The following NAV2 variants were observed in gnomAD, a reference collection of about 807,000 sequenced individuals.
NAV2 encodes the protein helicase, APC down-regulated 1.
A neutral mutation model predicts 223.2 loss-of-function variants in NAV2; 54 were observed. The observed-to-expected ratio is 0.24, with a 90% confidence interval of 0.19 to 0.30. NAV2 has a LOEUF of 0.30. Ranked by LOEUF, NAV2 falls within the 10% of genes least tolerant of loss-of-function variation. The probability of loss-of-function intolerance (pLI) is 1.00; values close to 1 mark genes in which losing one functional copy is unlikely to be tolerated. For missense variants in NAV2, 2,806 were observed against 3,147.5 expected, an observed-to-expected ratio of 0.89 and a Z score of 2.60; for synonymous variants, 1,279 against 1,239.3, an observed-to-expected ratio of 1.03 and a Z score of -0.67.
chr11:19,687,093 T>C (rs2049044075), intron 1 of NAV2, among the ~76,000 whole-genome samples: 1 of 152,204 alleles, frequency 6.6e-6, no homozygotes. Context: ...CTGACTCTGT[T>C]ATTCTAGGAA....
intron 1 of NAV2, among the ~76,000 whole-genome samples, chr11:19,552,214 T>C (rs1565042736): frequency 6.6e-6 from 1 of 152,160 alleles, no homozygotes; most frequent in Non-Finnish European, 1.5e-5. Flanking sequence ...TTGGCTTTCA[T>C]TTGCCTCTTT....
At chr11:19,859,972 T>G (rs1380672253) in intron 3 of NAV2, among the ~76,000 whole-genome samples, 1 of 92,540 alleles carries the variant, frequency 1.1e-5, no homozygotes, top group South Asian at 4.2e-4. Context: ...ACCTCCCGGA[T>G]GGGGCGGCTG....
intron 5 of NAV2, among the ~76,000 whole-genome samples, chr11:19,884,029 C>T (rs529005057): frequency 2.6e-5 from 4 of 152,324 alleles, no homozygotes. Flanking sequence ...GCAAGAAAGA[C>T]ATTTGATGTT....
intron 1 of NAV2, among the ~76,000 whole-genome samples, chr11:19,621,917 A>ATG (rs2047010849): frequency 6.6e-6 from 1 of 152,212 alleles, no homozygotes; most frequent in East Asian, 1.9e-4. Flanking sequence ...CCCTGTAAAC[A>ATG]CTGCTTTGAA....
At chr11:19,547,604 T>C (rs906614698) in intron 1 of NAV2, among the ~76,000 whole-genome samples, 5 of 152,184 alleles carry the variant, frequency 3.3e-5, no homozygotes, top group African/African-American at 1.2e-4. Context: ...CCTCTTGTTT[T>C]GGTCTCTCTA....
chr11:20,093,892 C>T (rs1307473108), intron 29 of NAV2, among the ~76,000 whole-genome samples: 2 of 152,116 alleles, frequency 1.3e-5, no homozygotes, highest in African/African-American at 2.4e-5. Context: ...GACTGTTTCT[C>T]GAATAAATGT....
At chr11:19,644,557 T>C (rs2135586990) in intron 1 of NAV2, among the ~76,000 whole-genome samples, 1 of 152,338 alleles carries the variant, frequency 6.6e-6, no homozygotes, top group East Asian at 1.9e-4. Context: ...TCCTGTGGGT[T>C]CCTTTGCTTT....
At chr11:19,900,787 T>TA (rs2042386434) in intron 6 of NAV2, among the ~76,000 whole-genome samples, 1 of 152,202 alleles carries the variant, frequency 6.6e-6, no homozygotes, top group African/African-American at 2.4e-5. Context: ...GCAATGTGCT[T>TA]AGTAATATAG....
chr11:20,107,777 C>T lies in NAV2; in HGVS notation c.6955C>T (p.Leu2319Phe). ...PYLLEAVREG[L>F]QLYGRRAPWE... ...TCTCCTGGAAGCCGTCAGAGAAGGA[C>T]TCCAGGTGAGAAGACACCCCTGCTG... Residue 2319 changes from leucine (L) to phenylalanine (F), a missense_variant, in exon 36 of 38, where the codon CTC becomes TTC. Leu to Phe is a conservative substitution (Grantham distance 22). Around this residue, in one of 4 missense-constraint regions of NAV2, gnomAD observed 824 missense variants for 1,069.4 expected, o/e 0.77. Coordinates refer to ENST00000349880, the MANE Select transcript of NAV2 (RefSeq NM_145117.5). 1 of 1,607,838 alleles carries T rather than the reference C, an allele frequency of 6.2e-7. No homozygotes were observed. Among genetic ancestry groups the T allele is most frequent in the Non-Finnish European group, 8.5e-7 (1 of 1,174,202 alleles).
intron 1 of NAV2, among the ~76,000 whole-genome samples, chr11:19,670,630 C>T (rs2048550853): frequency 6.6e-6 from 1 of 152,188 alleles, no homozygotes; most frequent in South Asian, 2.1e-4. Context: ...ATCTCTCTGA[C>T]TCACTGAGCA....
At chr11:19,903,768 G>A (rs552911288) in intron 6 of NAV2, among the ~76,000 whole-genome samples, 1 of 152,250 alleles carries the variant, frequency 6.6e-6, no homozygotes, top group African/African-American at 2.4e-5. Context: ...TTCTAGCCTG[G>A]CATTCTCAGG....
At chr11:19,550,065 A>G (rs2044640088) in intron 1 of NAV2, among the ~76,000 whole-genome samples, 1 of 152,186 alleles carries the variant, frequency 6.6e-6, no homozygotes, top group Non-Finnish European at 1.5e-5. Flanking sequence ...TGGGAAATTC[A>G]AGTTTTGATT....
intron 1 of NAV2, among the ~76,000 whole-genome samples, chr11:19,628,825 TC>T (rs2047254448): frequency 6.6e-6 from 1 of 152,210 alleles, no homozygotes; most frequent in Non-Finnish European, 1.5e-5. Flanking sequence ...TCTTCTGGAA[TC>T]ATTGATTACC....
At chr11:19,621,148 C>T (rs938737037) in intron 1 of NAV2, among the ~76,000 whole-genome samples, 2 of 152,150 alleles carry the variant, frequency 1.3e-5, no homozygotes, top group Non-Finnish European at 2.9e-5. Context: ...CGATGTGCTG[C>T]TGGAGTCAGT....
intron 1 of NAV2, among the ~76,000 whole-genome samples, chr11:19,480,169 G>T (rs567017109): frequency 6.6e-6 from 1 of 152,208 alleles, no homozygotes; most frequent in South Asian, 2.1e-4. Context: ...ACAAAATTAA[G>T]CAGGTTTATT....
intron 1 of NAV2, among the ~76,000 whole-genome samples, chr11:19,795,258 G>A (rs1025440474): frequency 3.9e-5 from 6 of 152,188 alleles, no homozygotes; most frequent in Non-Finnish European, 8.8e-5. Context: ...AAGCCAAATA[G>A]ATTAGATATT....
At chr11:19,757,320 C>T (rs1565263585) in intron 1 of NAV2, among the ~76,000 whole-genome samples, 1 of 152,016 alleles carries the variant, frequency 6.6e-6, no homozygotes, top group South Asian at 2.1e-4. Context: ...AGGCCTAGGG[C>T]TCCTGTTTAT....
At chr11:19,361,076 G>A (rs896626885) in intron 1 of NAV2, among the ~76,000 whole-genome samples, 3 of 151,996 alleles carry the variant, frequency 2.0e-5, no homozygotes, top group Non-Finnish European at 4.4e-5. Context: ...GGAAAATTTT[G>A]TAACCTCGCT....
At chr11:19,459,906 T>C (rs1419990571) in intron 1 of NAV2, among the ~76,000 whole-genome samples, 1 of 152,020 alleles carries the variant, frequency 6.6e-6, no homozygotes, top group Non-Finnish European at 1.5e-5. Flanking sequence ...GCAGTTAGGG[T>C]GGATTGCAAG....
Sources: allele counts gnomAD v4.1 joint callset (sites outside exome capture counted in the v4.1 genomes callset), GRCh38; gene constraint gnomAD v4.1.1; regional missense constraint gnomAD v4.1.1; transcripts MANE v1.5; gene names NCBI Gene and HGNC (gene_info 2026-07-23, HGNC 2026-07-21).